PPP3R2: variants seen among roughly 807,000 people sequenced by gnomAD.
PPP3R2 encodes protein phosphatase 3 regulatory subunit B, beta.
For synonymous variants in PPP3R2, 91 were observed against 91.5 expected (o/e 0.99, Z 0.03); for missense variants, 225 against 217.4 (o/e 1.03, Z -0.22).
At position 101,594,849 on chromosome 9, in the gene PPP3R2, T is replaced by C. The variant is rs1209540092; in HGVS notation, c.73A>G (p.Arg25Gly). The C allele has an allele frequency of 6.2e-7, 1 of 1,606,542 alleles. No homozygotes were observed. Among genetic ancestry groups the C allele is most frequent in the Admixed American group, 1.7e-5 (1 of 60,022 alleles). The change falls in exon 1 of 1, where the codon AGG becomes GGG. Residue 25 changes from arginine (R) to glycine (G), a missense_variant. Transcript: ENST00000374806. ...TCCAAGTCCAACTTCTTAAACCTCC[T>C]GCCCAGCCTTTTAATTTCATCATTG... ...FDNDEIKRLG[R>G]RFKKLDLDKS...
In PPP3R2 at chr9:101,592,593, AC is replaced by A. The variant is rs1828045813; in HGVS notation, c.*1815del. The A allele has an allele frequency of 3.9e-5, 6 of 152,246 alleles. No individual in the cohort carries two copies. In the South Asian group the frequency reaches 1.2e-3, roughly 32 times the overall value. The allele number at this position is 152,246 out of a possible 1,614,324, so 9.4% of individuals were successfully genotyped here. A position where few individuals can be genotyped will look rare whatever the true frequency, so the allele number is the denominator to read the frequency against. On this transcript the variant is annotated 3_prime_UTR_variant, in exon 1 of 1. Transcript: ENST00000374806. Reference sequence around the variant, plus strand: ...CTTTGAACATTACATAACCCTGATCACCACAGGGTTGGGAGCGTTTATCACA... The same window carrying A: ...CTTTGAACATTACATAACCCTGATCACACAGGGTTGGGAGCGTTTATCACA...
rs1029868145 is a variant in PPP3R2, at chr9:101,592,406, A to C, written c.*2003T>G. 6 of 152,224 alleles carry C rather than the reference A, an allele frequency of 3.9e-5. 1 individual carries two copies. In the East Asian group the frequency reaches 9.6e-4, roughly 24 times the overall value. 9.4% of individuals were successfully genotyped at this position (152,224 alleles called of 1,614,324 possible). A position where few individuals can be genotyped will look rare whatever the true frequency, so the allele number is the denominator to read the frequency against. ...TGGAATTGTGCTCCAGGTGTGTTGC[A>C]TGCCTTTTTGAATCCTCAAAATAAC... On this transcript the variant is annotated 3_prime_UTR_variant, in exon 1 of 1. Transcript: ENST00000374806.
At position 101,593,287 on chromosome 9, in the gene PPP3R2, T is replaced by C. The variant is rs1364512575; in HGVS notation, c.*1122A>G. ...TCACCCAATGGTGGAGATCTGTTAG[T>C]GTGTGAGGACTTCTGCACTGAATGT... is the stretch of plus-strand genomic sequence containing the variant. On this transcript the variant is annotated 3_prime_UTR_variant, in exon 1 of 1. Transcript: ENST00000374806. 2 of 151,932 alleles carry C rather than the reference T, an allele frequency of 1.3e-5. No homozygotes were observed. Among genetic ancestry groups the C allele is most frequent in the Non-Finnish European group, 2.9e-5 (2 of 67,958 alleles). 9.4% of individuals were successfully genotyped at this position (151,932 alleles called of 1,614,324 possible).
chr9:101,594,691 C>T lies in PPP3R2; in HGVS notation c.231G>A (p.Leu77=). The T allele has an allele frequency of 6.2e-7, 1 of 1,614,202 alleles. No individual in the cohort carries two copies. The highest frequency in any genetic ancestry group is 1.1e-5 in the South Asian group (1 of 91,082). Reference sequence around the variant, plus strand: ...CCTTGACGCTGAACTGGGAGGTCCCCAGGATGAATTCCTTGAAGTCCACTT... The same window carrying T: ...CCTTGACGCTGAACTGGGAGGTCCCTAGGATGAATTCCTTGAAGTCCACTT... The part of the protein sequence containing the change: ...DGEVDFKEFI[L]GTSQFSVKGD... The change falls in exon 1 of 1, where the codon CTG becomes CTA. Residue 77 remains leucine, a synonymous_variant. Coordinates refer to ENST00000374806, the MANE Select transcript of PPP3R2 (RefSeq NM_147180.4).
At position 101,593,528 on chromosome 9, in the gene PPP3R2, C is replaced by A. The variant is rs954612738; in HGVS notation, c.*881G>T. 6.6e-6 allele frequency: 1 copy of A among 152,378 alleles called. No homozygotes were observed. Among genetic ancestry groups the A allele is most frequent in the East Asian group, 1.9e-4 (1 of 5,188 alleles). 9.4% of individuals were successfully genotyped at this position (152,378 alleles called of 1,614,324 possible). ...CAGCCTGACTCTACTGCCTCTCCTC[C>A]GTAGGACAACTAACTAAATGTCTCA... is the stretch of plus-strand genomic sequence containing the variant. On this transcript the variant is annotated 3_prime_UTR_variant, in exon 1 of 1. Transcript: ENST00000374806.
rs1452789273 is a variant in PPP3R2 at position 101,593,563 on chromosome 9, C to T, written c.*846G>A. ...CTAACTAAATGTCTCATTGTCTCCA[C>T]CTGGGGGTAGGGACCAGTGTCGGAG... On this transcript the variant is annotated 3_prime_UTR_variant, in exon 1 of 1. Transcript: ENST00000374806. 1 of 152,226 alleles carries T rather than the reference C, an allele frequency of 6.6e-6. No homozygotes were observed. The highest frequency in any genetic ancestry group is 1.5e-5 in the Non-Finnish European group (1 of 68,044). The allele number at this position is 152,226 out of a possible 1,614,324, so 9.4% of individuals were successfully genotyped here. A position where few individuals can be genotyped will look rare whatever the true frequency, so the allele number is the denominator to read the frequency against.
Position 101,593,522 on chromosome 9 carries a change from C to G in PPP3R2, c.*887G>C, listed in dbSNP as rs756007519. ...CCACTGCAGCCTGACTCTACTGCCT[C>G]TCCTCCGTAGGACAACTAACTAAAT... On this transcript the variant is annotated 3_prime_UTR_variant, in exon 1 of 1. Transcript: ENST00000374806. 1 of 152,306 alleles carries G rather than the reference C, an allele frequency of 6.6e-6. No homozygotes were observed. Among genetic ancestry groups the G allele is most frequent in the Non-Finnish European group, 1.5e-5 (1 of 68,088 alleles). 9.4% of individuals were successfully genotyped at this position (152,306 alleles called of 1,614,324 possible).
rs41282161 is a variant in PPP3R2, at chr9:101,594,118, A to G, written c.*291T>C. On this transcript the variant is annotated 3_prime_UTR_variant, in exon 1 of 1. Coordinates refer to ENST00000374806, the MANE Select transcript of PPP3R2 (RefSeq NM_147180.4). Reference sequence around the variant, plus strand: ...CTTATTTTTGAACTTTTAAAGTTCTAGTTTGGTCTTTGAATCAAAACAAAG... The same window carrying G: ...CTTATTTTTGAACTTTTAAAGTTCTGGTTTGGTCTTTGAATCAAAACAAAG... The G allele has an allele frequency of 6.3e-3, 2,105 of 335,492 alleles. 14 individuals carry two copies. Among genetic ancestry groups the G allele is most frequent in the Admixed American group, 9.1e-3 (209 of 23,034 alleles). 20.8% of individuals were successfully genotyped at this position (335,492 alleles called of 1,614,324 possible). A position where few individuals can be genotyped will look rare whatever the true frequency, so the allele number is the denominator to read the frequency against.
At position 101,594,489 on chromosome 9, in the gene PPP3R2, C is replaced by T. The variant is rs140969417; in HGVS notation, c.433G>A (p.Asp145Asn). Reference sequence around the variant, plus strand: ...AATTCCTCAAAGGATATCTTCCCATCGCCATCCTTGTCCAGGATGATGATG... The same window carrying T: ...AATTCCTCAAAGGATATCTTCCCATTGCCATCCTTGTCCAGGATGATGATG... ...KTIIILDKDGDGKISFEEFSA... is the reference protein window; with the variant it reads ...KTIIILDKDGNGKISFEEFSA... Residue 145 changes from aspartate (D) to asparagine (N), a missense_variant, in exon 1 of 1, where the codon GAT becomes AAT. Asp to Asn is a conservative substitution (Grantham distance 23). Transcript: ENST00000374806. 2.5e-6 allele frequency: 4 copies of T among 1,614,204 alleles called. No homozygotes were observed. Among genetic ancestry groups the T allele is most frequent in the Non-Finnish European group, 3.4e-6 (4 of 1,180,044 alleles).
Position 101,593,414 on chromosome 9 carries a change from C to T in PPP3R2, c.*995G>A, listed in dbSNP as rs1428524652. The T allele has an allele frequency of 6.6e-6, 1 of 152,178 alleles. No homozygotes were observed. Among genetic ancestry groups the T allele is most frequent in the East Asian group, 1.9e-4 (1 of 5,192 alleles). The allele number at this position is 152,178 out of a possible 1,614,324, so 9.4% of individuals were successfully genotyped here. On this transcript the variant is annotated 3_prime_UTR_variant, in exon 1 of 1. Transcript: ENST00000374806. ...CAGCATAGCTGGTGTAGCTAGCATC[C>T]ACCTCTGCTGTGGAGACACAATTGT...
Position 101,594,744 on chromosome 9 carries a change from C to T in PPP3R2, c.178G>A (p.Asp60Asn). 2.5e-6 allele frequency: 4 copies of T among 1,614,142 alleles called. No homozygotes were observed. Among genetic ancestry groups the T allele is most frequent in the Non-Finnish European group, 3.4e-6 (4 of 1,180,052 alleles). The change falls in exon 1 of 1, where the codon GAC (aspartate) becomes AAC (asparagine). Residue 60 changes from aspartate to asparagine, a missense_variant. By Grantham distance (23) the Asp-to-Asn change is conservative (BLOSUM62 1). Transcript: ENST00000374806. ...RHNPLVRRVI[D>N]VFDTDGDGEV... is the part of the protein sequence containing the mutation. ...CCATCACCGTCGGTGTCGAAGACGT[C>T]GATCACTCGCCGCACCAACGGGTTG...
In PPP3R2 at chr9:101,594,573, TCAG is replaced by T. The variant is rs1361262632; in HGVS notation, c.346_348del (p.Leu116del). On this transcript the variant is annotated inframe_deletion, in exon 1 of 1. Coordinates refer to ENST00000374806, the MANE Select transcript of PPP3R2 (RefSeq NM_147180.4). ...GTCAGGTTGTTGCCCACCATCATCT[TCAG>T]CACCTGGAAGAGCTCCCCGTTGGAA... is the stretch of plus-strand genomic sequence containing the variant. 5.0e-6 allele frequency: 8 copies of T among 1,614,190 alleles called. No homozygotes were observed. In the East Asian group the frequency reaches 1.8e-4, roughly 36 times the overall value.
At position 101,594,218 on chromosome 9, in the gene PPP3R2, G is replaced by C; in HGVS notation, c.*191C>G. 1.5e-6 allele frequency: 1 copy of C among 685,468 alleles called. No individual in the cohort carries two copies. The highest frequency in any genetic ancestry group is 2.3e-6 in the Non-Finnish European group (1 of 427,288). The allele number at this position is 685,468 out of a possible 1,614,324, so 42.5% of individuals were successfully genotyped here. A position where few individuals can be genotyped will look rare whatever the true frequency, so the allele number is the denominator to read the frequency against. ...TTTGACTTGCTCTTCCCCCTATAGG[G>C]TACCCTGAGTCATTCAGAGAAGGAG... On this transcript the variant is annotated 3_prime_UTR_variant, in exon 1 of 1. Transcript: ENST00000374806.
rs1359748515 is a variant in PPP3R2, at chr9:101,592,825, C to T, written c.*1584G>A. On this transcript the variant is annotated 3_prime_UTR_variant, in exon 1 of 1. Transcript: ENST00000374806. ...TTCCAAATAAAATAGCAGTAAATCT[C>T]CTTGAAACAGATCTTCCATGTCCTG... 1 of 151,490 alleles carries T rather than the reference C, an allele frequency of 6.6e-6. No homozygotes were observed. Among genetic ancestry groups the T allele is most frequent in the Admixed American group, 6.6e-5 (1 of 15,210 alleles). The allele number at this position is 151,490 out of a possible 1,614,324, so 9.4% of individuals were successfully genotyped here. A position where few individuals can be genotyped will look rare whatever the true frequency, so the allele number is the denominator to read the frequency against.
Position 101,592,510 on chromosome 9 carries a change from G to T in PPP3R2, c.*1899C>A, listed in dbSNP as rs1828044235. Reference sequence around the variant, plus strand: ...TTATTCATGCTCACACAGCTAAAAAGAAGTGAGTGTGATAACAACCCAGTT... The same window carrying T: ...TTATTCATGCTCACACAGCTAAAAATAAGTGAGTGTGATAACAACCCAGTT... On this transcript the variant is annotated 3_prime_UTR_variant, in exon 1 of 1. Coordinates refer to ENST00000374806, the MANE Select transcript of PPP3R2 (RefSeq NM_147180.4). 1 of 152,192 alleles carries T rather than the reference G, an allele frequency of 6.6e-6. No homozygotes were observed. The highest frequency in any genetic ancestry group is 2.4e-5 in the African/African-American group (1 of 41,442). The allele number at this position is 152,192 out of a possible 1,614,324, so 9.4% of individuals were successfully genotyped here.
In PPP3R2 at chr9:101,594,845, C is replaced by G; in HGVS notation, c.77G>C (p.Arg26Thr). ...TTTGTCCAAGTCCAACTTCTTAAACCTCCTGCCCAGCCTTTTAATTTCATC... is the reference window on the plus strand; with the variant it reads ...TTTGTCCAAGTCCAACTTCTTAAACGTCCTGCCCAGCCTTTTAATTTCATC... ...DNDEIKRLGR[R>T]FKKLDLDKSG... The change falls in exon 1 of 1, where the codon AGG (arginine) becomes ACG (threonine). Residue 26 changes from arginine to threonine, a missense_variant. Coordinates refer to ENST00000374806, the MANE Select transcript of PPP3R2 (RefSeq NM_147180.4). The G allele has an allele frequency of 6.2e-7, 1 of 1,607,538 alleles. No individual in the cohort carries two copies. Among genetic ancestry groups the G allele is most frequent in the Non-Finnish European group, 8.5e-7 (1 of 1,180,014 alleles).
rs922238359 is a variant in PPP3R2, at chr9:101,594,242, A to C, written c.*167T>G. 4.4e-5 allele frequency: 37 copies of C among 832,376 alleles called. No homozygotes were observed. The African/African-American group carries it at 5.2e-4, about 12-fold the overall frequency. 51.6% of individuals were successfully genotyped at this position (832,376 alleles called of 1,614,324 possible). On this transcript the variant is annotated 3_prime_UTR_variant, in exon 1 of 1. Transcript: ENST00000374806. ...GGTACCCTGAGTCATTCAGAGAAGG[A>C]GAATTAATAGCACTGAGTTGGTGAT...
rs1161253877 is a variant in PPP3R2 at position 101,593,646 on chromosome 9, C to T, written c.*763G>A. The T allele has an allele frequency of 6.6e-6, 1 of 152,292 alleles. No individual in the cohort carries two copies. Among genetic ancestry groups the T allele is most frequent in the African/African-American group, 2.4e-5 (1 of 41,446 alleles). The allele number at this position is 152,292 out of a possible 1,614,324, so 9.4% of individuals were successfully genotyped here. On this transcript the variant is annotated 3_prime_UTR_variant, in exon 1 of 1. Coordinates refer to ENST00000374806, the MANE Select transcript of PPP3R2 (RefSeq NM_147180.4). ...GCCCTATTTAGCTGGAGGTCCCCTT[C>T]ATTGAAATTAATGCTGGTGTGGGCT...
Position 101,592,263 on chromosome 9 carries a change from G to A in PPP3R2, c.*2146C>T, listed in dbSNP as rs552556904. On this transcript the variant is annotated 3_prime_UTR_variant, in exon 1 of 1. Transcript: ENST00000374806. Reference sequence around the variant, plus strand: ...TAATGTCCAGTTAATTTTAGAGTGGGTGTAGCTAAGAACTAAGTAAGTGTT... The same window carrying A: ...TAATGTCCAGTTAATTTTAGAGTGGATGTAGCTAAGAACTAAGTAAGTGTT... The A allele has an allele frequency of 5.9e-5, 9 of 152,328 alleles. No individual in the cohort carries two copies. The highest frequency in any genetic ancestry group is 2.2e-4 in the African/African-American group (9 of 41,572). 9.4% of individuals were successfully genotyped at this position (152,328 alleles called of 1,614,324 possible). A position where few individuals can be genotyped will look rare whatever the true frequency, so the allele number is the denominator to read the frequency against.
Sources: gnomAD v4.1 joint callset for allele counts on GRCh38, gnomAD v4.1.1 for gene constraint, MANE v1.5 for transcripts, NCBI Gene and HGNC (gene_info 2026-07-23, HGNC 2026-07-21) for gene names.